OR56A3: variants seen among roughly 807,000 people sequenced by gnomAD.
The protein encoded by OR56A3 is olfactory receptor family 56 subfamily A member 3.
In OR56A3, 23 loss-of-function variants were observed where a neutral mutation model predicts 17.5. The observed-to-expected ratio is 1.32, with a 90% confidence interval of 0.95 to 1.87. The LOEUF (loss-of-function observed/expected upper bound fraction) is 1.87, where lower values mean the gene tolerates loss of function less well. OR56A3 is among the 40% of genes most tolerant of loss of function. The probability of loss-of-function intolerance (pLI) is 0.00; values close to 1 mark genes in which losing one functional copy is unlikely to be tolerated. For synonymous variants in OR56A3, 175 were observed against 150.6 expected (o/e 1.16, Z -1.19); for missense variants, 366 against 380.1 (o/e 0.96, Z 0.31).
chr11:5,950,371 AG>A lies in OR56A3; in HGVS notation c.*2078del, dbSNP rs1315783419. ...TGTCTTCCCAAAGAACATGGTAAAA[AG>A]TTCATATTTTAAAAGTATTTGCCTG... On this transcript the variant is annotated 3_prime_UTR_variant, in exon 3 of 3. Transcript: ENST00000641160. 1 of 152,158 alleles carries A rather than the reference AG, an allele frequency of 6.6e-6. No individual in the cohort carries two copies. Among genetic ancestry groups the A allele is most frequent in the Non-Finnish European group, 1.5e-5 (1 of 67,996 alleles). The allele number at this position is 152,158 out of a possible 1,614,324, so 9.4% of individuals were successfully genotyped here. A position where few individuals can be genotyped will look rare whatever the true frequency, so the allele number is the denominator to read the frequency against.
At position 5,944,949 on chromosome 11, in the gene OR56A3, C is replaced by A. The variant is rs760546895; in HGVS notation, c.-170C>A. 2.6e-4 allele frequency: 39 copies of A among 152,198 alleles called. No homozygotes were observed. The highest frequency in any genetic ancestry group is 3.3e-4 in the Admixed American group (5 of 15,280). The allele number at this position is 152,198 out of a possible 1,614,324, so 9.4% of individuals were successfully genotyped here. On this transcript the variant is annotated 5_prime_UTR_variant, in exon 2 of 3. Transcript: ENST00000641160. ...ATGCCCGTCCTCCCTCCACTGACAG[C>A]AGCCACAGTTACTAACAGGGTCTTT...
the OR56A3 span, chr11:6,000,956 T>C: frequency 2.6e-5 from 4 of 152,336 alleles, no homozygotes; most frequent in Non-Finnish European, 5.9e-5. Flanking sequence ...GATAGTCCAG[T>C]TGGGACAGTT....
the OR56A3 span, among the ~76,000 whole-genome samples, chr11:6,008,394 T>C: frequency 6.6e-6 from 1 of 152,208 alleles, no homozygotes; most frequent in Non-Finnish European, 1.5e-5. Context: ...AACTATTTCA[T>C]GAGTGAATAA....
At chr11:5,994,315 T>C in the OR56A3 span, 3 of 665,088 alleles carry the variant, frequency 4.5e-6, no homozygotes, top group East Asian at 9.6e-5. Flanking sequence ...CTTGGCGGAC[T>C]GCATGTGACC....
chr11:5,992,721 T>G, the OR56A3 span, among the ~76,000 whole-genome samples: 1 of 152,170 alleles, frequency 6.6e-6, no homozygotes, highest in African/African-American at 2.4e-5. Flanking sequence ...GGCTGAGGCC[T>G]TCTCTATCTT....
the OR56A3 span, among the ~76,000 whole-genome samples, chr11:5,960,523 G>A: frequency 1.3e-5 from 2 of 152,356 alleles, no homozygotes; most frequent in South Asian, 4.1e-4. Context: ...GGCCTCCCGA[G>A]GTGCCGGGAT....
the OR56A3 span, among the ~76,000 whole-genome samples, chr11:6,014,989 C>CATAAAAAAAAA: frequency 2.8e-5 from 1 of 35,192 alleles, no homozygotes; most frequent in Non-Finnish European, 4.9e-5. Flanking sequence ...TATTCATGGG[C>CATAAAAAAAAA]AAAAAAAAAA....
chr11:6,002,635 C>T, the OR56A3 span: 1 of 1,614,202 alleles, frequency 6.2e-7, no homozygotes, highest in Admixed American at 1.7e-5. Flanking sequence ...TAGGCCATGA[C>T]CATGAACGTG....
At chr11:5,988,092 T>G in the OR56A3 span, among the ~76,000 whole-genome samples, 1 of 152,212 alleles carries the variant, frequency 6.6e-6, no homozygotes, top group Non-Finnish European at 1.5e-5. Context: ...TGGAGTTACA[T>G]GTACACACCA....
At chr11:5,993,443 A>AT in the OR56A3 span, among the ~76,000 whole-genome samples, 1 of 152,036 alleles carries the variant, frequency 6.6e-6, no homozygotes, top group Non-Finnish European at 1.5e-5. Flanking sequence ...ACCCTCACCC[A>AT]TTTTTTTCAT....
At chr11:5,956,058 A>G (rs903560036), downstream of OR56A3, among the ~76,000 whole-genome samples, 1 of 152,252 alleles carries the variant, frequency 6.6e-6, no homozygotes, top group East Asian at 1.9e-4. Context: ...ATTCTGTTTT[A>G]ATAGAGGTAT....
chr11:5,978,355 C>G, the OR56A3 span, among the ~76,000 whole-genome samples: 1 of 151,946 alleles, frequency 6.6e-6, no homozygotes, highest in Non-Finnish European at 1.5e-5. Context: ...GAATGTTTTC[C>G]CATTTGTTTA....
At chr11:5,999,685 A>G in the OR56A3 span, 1 of 152,232 alleles carries the variant, frequency 6.6e-6, no homozygotes, top group Non-Finnish European at 1.5e-5. Context: ...TATTAAAGAA[A>G]ATGAGAGATG....
chr11:5,997,316 G>A, the OR56A3 span, among the ~76,000 whole-genome samples: 1 of 152,170 alleles, frequency 6.6e-6, no homozygotes, highest in Non-Finnish European at 1.5e-5. Context: ...GAACACCTGG[G>A]TCCCTACATG....
chr11:5,968,461 C>A, the OR56A3 span: 2 of 1,564,470 alleles, frequency 1.3e-6, no homozygotes, highest in Admixed American at 1.9e-5. Flanking sequence ...AATTCAAAGA[C>A]TGGGGAAGTG....
the OR56A3 span, among the ~76,000 whole-genome samples, chr11:5,971,519 T>C: frequency 6.6e-6 from 1 of 152,164 alleles, no homozygotes; most frequent in East Asian, 1.9e-4. Flanking sequence ...ATTCAATTCC[T>C]CCTCTGCTAC....
chr11:5,986,956 C>G, the OR56A3 span: 1 of 1,602,540 alleles, frequency 6.2e-7, no homozygotes, highest in Non-Finnish European at 8.5e-7. Context: ...GCTACATTAT[C>G]ACATTGTCCA....
chr11:5,962,683 C>G, the OR56A3 span, among the ~76,000 whole-genome samples: 1 of 152,112 alleles, frequency 6.6e-6, no homozygotes, highest in East Asian at 1.9e-4. Flanking sequence ...GGACTACAGG[C>G]GCCTGCCACC....
At chr11:6,000,712 A>AAG in the OR56A3 span, 3 of 152,300 alleles carry the variant, frequency 2.0e-5, no homozygotes, top group East Asian at 5.8e-4. Context: ...CAAATGATTG[A>AAG]AGAGAGAGAG....
Sources: allele counts gnomAD v4.1 joint callset (sites outside exome capture counted in the v4.1 genomes callset), GRCh38; gene constraint gnomAD v4.1.1; transcripts MANE v1.5; gene names NCBI Gene and HGNC (gene_info 2026-07-23, HGNC 2026-07-21).